The following SNTG1 variants were observed in gnomAD, a reference collection of about 807,000 sequenced individuals.
SNTG1 encodes gamma-1-syntrophin.
A neutral mutation model predicts 74.7 loss-of-function variants in SNTG1; 39 were observed. The observed-to-expected ratio is 0.52, with a 90% CI of 0.40 to 0.68. The LOEUF (loss-of-function observed/expected upper bound fraction) is 0.68. Among genes scored for constraint, SNTG1 ranks in the 30% least tolerant of loss-of-function variants. SNTG1 has a pLI of 0.00. For missense variants in SNTG1, 685 were observed against 609.5 expected (o/e 1.12, Z -1.30); for synonymous variants, 254 against 217.1 (o/e 1.17, Z -1.49).
intron 1 of SNTG1, among the ~76,000 whole-genome samples, chr8:49,945,861 G>A (rs1336907023): frequency 6.6e-6 from 1 of 152,102 alleles, no homozygotes; most frequent in African/African-American, 2.4e-5. Flanking sequence ...AAGAACAAGG[G>A]GATATTTGCT....
At chr8:50,407,993 T>G (rs2092901318) in intron 4 of SNTG1, among the ~76,000 whole-genome samples, 1 of 152,162 alleles carries the variant, frequency 6.6e-6, no homozygotes, top group Non-Finnish European at 1.5e-5. Context: ...AGGCTGAGGT[T>G]TCACAATAGC....
At chr8:50,337,357 G>C (rs1327611201) in intron 2 of SNTG1, among the ~76,000 whole-genome samples, 1 of 152,168 alleles carries the variant, frequency 6.6e-6, no homozygotes, top group Non-Finnish European at 1.5e-5. Flanking sequence ...ATGTGGACTA[G>C]TTGGAAGTTA....
At chr8:50,219,906 ACTTTAAGACCAAAAG>A (rs2084976421) in intron 2 of SNTG1, among the ~76,000 whole-genome samples, 1 of 152,178 alleles carries the variant, frequency 6.6e-6, no homozygotes, top group Non-Finnish European at 1.5e-5. Context: ...GACGAAACAG[ACTTTAAGACCAAAAG>A]CTTTTCTTGA....
chr8:50,522,197 G>A (rs1281813940), intron 9 of SNTG1, among the ~76,000 whole-genome samples: 1 of 152,070 alleles, frequency 6.6e-6, no homozygotes, highest in Non-Finnish European at 1.5e-5. Context: ...TGTGTTAGCA[G>A]GCATGAAAAC....
At chr8:50,764,140 T>G (rs1188820702) in intron 18 of SNTG1, among the ~76,000 whole-genome samples, 1 of 151,770 alleles carries the variant, frequency 6.6e-6, no homozygotes, top group African/African-American at 2.4e-5. Flanking sequence ...GAGAATGAAA[T>G]TGGGTTCTTA....
intron 1 of SNTG1, among the ~76,000 whole-genome samples, chr8:49,930,969 G>C (rs1277206761): frequency 6.6e-6 from 1 of 152,032 alleles, no homozygotes; most frequent in Non-Finnish European, 1.5e-5. Flanking sequence ...CAACAATTAA[G>C]AATGATCAAA....
chr8:50,132,061 T>C (rs968917343), intron 1 of SNTG1, among the ~76,000 whole-genome samples: 1 of 152,140 alleles, frequency 6.6e-6, no homozygotes, highest in African/African-American at 2.4e-5. Context: ...GCTGGTACTA[T>C]ACTGTTTTGA....
chr8:50,546,818 G>A (rs540906973), intron 11 of SNTG1, among the ~76,000 whole-genome samples: 4 of 152,134 alleles, frequency 2.6e-5, no homozygotes, highest in Non-Finnish European at 4.4e-5. Flanking sequence ...ATCTCACTCT[G>A]CCACCCAGGC....
At chr8:50,475,168 G>A (rs998310470) in intron 8 of SNTG1, among the ~76,000 whole-genome samples, 1 of 151,748 alleles carries the variant, frequency 6.6e-6, no homozygotes, top group Non-Finnish European at 1.5e-5. Context: ...CGTGGCACAT[G>A]TATGCATATG....
chr8:50,613,255 G>A (rs981887324), intron 13 of SNTG1, among the ~76,000 whole-genome samples: 28 of 152,092 alleles, frequency 1.8e-4, no homozygotes, highest in South Asian at 6.2e-4. Flanking sequence ...GACTAGAAAC[G>A]TAGGGTATTG....
chr8:50,636,511 G>C (rs1420750442), intron 13 of SNTG1, among the ~76,000 whole-genome samples: 1 of 152,032 alleles, frequency 6.6e-6, no homozygotes, highest in Non-Finnish European at 1.5e-5. Flanking sequence ...TGCTTCCTCC[G>C]TGGGCATCAG....
chr8:50,312,353 G>A (rs1174799941), intron 2 of SNTG1, among the ~76,000 whole-genome samples: 1 of 151,938 alleles, frequency 6.6e-6, no homozygotes, highest in Non-Finnish European at 1.5e-5. Context: ...ACAGATAGAT[G>A]GCCCCAACGA....
intron 1 of SNTG1, among the ~76,000 whole-genome samples, chr8:50,115,567 C>CAAAAAAAAAAAAAAAAAAAAAAAAAAAAA (rs11386539): frequency 4.9e-5 from 2 of 40,534 alleles, no homozygotes; most frequent in Non-Finnish European, 1.0e-4. Context: ...GACTCTGTCT[C>CAAAAAAAAAAAAAAAAAAAAAAAAAAAAA]AAAAAAAAAA....
intron 12 of SNTG1, among the ~76,000 whole-genome samples, chr8:50,586,761 A>G (rs957962824): frequency 3.9e-5 from 6 of 152,120 alleles, no homozygotes; most frequent in Non-Finnish European, 8.8e-5. Flanking sequence ...GAAAAATAAA[A>G]CAGGTGTTTT....
At chr8:50,740,706 A>G (rs190639937) in intron 17 of SNTG1, among the ~76,000 whole-genome samples, 5 of 152,248 alleles carry the variant, frequency 3.3e-5, no homozygotes. Flanking sequence ...TCACTGCAGC[A>G]CTGTTCACAA....
At chr8:49,930,509 G>T (rs1244315844) in intron 1 of SNTG1, among the ~76,000 whole-genome samples, 1 of 150,378 alleles carries the variant, frequency 6.6e-6, no homozygotes, top group African/African-American at 2.4e-5. Flanking sequence ...ATATATATGT[G>T]TGTATATATA....
chr8:50,442,452 T>C (rs927923563), intron 5 of SNTG1, among the ~76,000 whole-genome samples: 4 of 152,064 alleles, frequency 2.6e-5, no homozygotes, highest in African/African-American at 7.2e-5. Context: ...TTTATGCACC[T>C]GGCTCACTCC....
chr8:50,777,728 T>G (rs965103167), intron 18 of SNTG1, among the ~76,000 whole-genome samples: 1 of 151,966 alleles, frequency 6.6e-6, no homozygotes, highest in Admixed American at 6.6e-5. Flanking sequence ...ATACTTTAAG[T>G]TGTAGGGTAC....
At chr8:50,643,220 T>A (rs2095085235) in intron 13 of SNTG1, among the ~76,000 whole-genome samples, 1 of 152,232 alleles carries the variant, frequency 6.6e-6, no homozygotes, top group Non-Finnish European at 1.5e-5. Context: ...AGCACACTGC[T>A]CCAAGTCTAC....
Sources: gnomAD v4.1 joint callset for allele counts (sites outside exome capture counted in the v4.1 genomes callset) on GRCh38, gnomAD v4.1.1 for gene constraint, MANE v1.5 for transcripts, NCBI Gene and HGNC (gene_info 2026-07-23, HGNC 2026-07-21) for gene names.